DNAJC21: variants seen among roughly 807,000 people sequenced by gnomAD.
The protein encoded by DNAJC21 is DnaJ heat shock protein family (Hsp40) member C21, also known as dnaJ homolog subfamily C member 21.
In DNAJC21, 63 loss-of-function variants were observed where a neutral mutation model predicts 72.4. That is an observed-to-expected ratio of 0.87 (90% CI 0.71 to 1.07). DNAJC21 has a LOEUF of 1.07. Ranked by LOEUF, DNAJC21 falls within the 50% of genes least tolerant of loss-of-function variation. DNAJC21 has a pLI of 0.00. For synonymous variants in DNAJC21, 203 were observed against 216.7 expected (o/e 0.94, Z 0.56); for missense variants, 634 against 644.8 (o/e 0.98, Z 0.18).
Position 34,933,908 on chromosome 5 carries a change from G to T in DNAJC21, c.191G>T (p.Trp64Leu). 1 of 1,613,366 alleles carries T rather than the reference G, an allele frequency of 6.2e-7. No individual in the cohort carries two copies. The highest frequency in any genetic ancestry group is 1.1e-5 in the South Asian group (1 of 90,954). Residue 64 changes from tryptophan (W) to leucine (L), a missense_variant and splice_region_variant, in exon 2 of 12, where the codon TGG becomes TTG. Transcript: ENST00000648817. ...DVLSDPQERA[W>L]YDNHREALLK... is the part of the protein sequence containing the mutation. ...TTGAGTGACCCTCAGGAAAGAGCAT[G>T]GTGAGCATCACGCTGTCCTTCCCAT... is the stretch of plus-strand genomic sequence containing the variant.
At chr5:34,949,556 A>G (rs1209405060) in intron 9 of DNAJC21, 1 of 1,557,582 alleles carries the variant, frequency 6.4e-7, no homozygotes, top group Non-Finnish European at 8.7e-7. Flanking sequence ...GTACCTGGCA[A>G]AGATTCATAT....
rs1764841008 is a variant in DNAJC21, at chr5:34,937,754, T to A, written c.743+124T>A. On this transcript the variant is annotated intron_variant, in intron 5 of 11. Coordinates refer to ENST00000648817, the MANE Select transcript of DNAJC21 (RefSeq NM_001012339.3). ...TGGCTTTATCCTGCTTTTTCTTCTT[T>A]TTTAAATTGTGGCATTGGATAGTGT... is the stretch of plus-strand genomic sequence containing the variant. The A allele has an allele frequency of 5.9e-6, 7 of 1,194,214 alleles. No individual in the cohort carries two copies. In the South Asian group the frequency reaches 1.2e-4, roughly 20 times the overall value. The allele number at this position is 1,194,214 out of a possible 1,614,324, so 74.0% of individuals were successfully genotyped here.
intron 6 of DNAJC21, among the ~76,000 whole-genome samples, chr5:34,940,604 T>TA (rs1184586972): frequency 6.6e-6 from 1 of 152,226 alleles, no homozygotes; most frequent in East Asian, 1.9e-4. Context: ...AAAAGCTTAT[T>TA]AAAAAAAAGT....
In DNAJC21 at chr5:34,958,121, C is replaced by T. The variant is rs1018782810; in HGVS notation, c.*3407C>T. On this transcript the variant is annotated 3_prime_UTR_variant, in exon 12 of 12. Coordinates refer to ENST00000648817, the MANE Select transcript of DNAJC21 (RefSeq NM_001012339.3). ...TGCCTGGACTCCCAACTCAGTAGGC[C>T]TTCTGTTACACCTCAAAATGTGTTA... The T allele has an allele frequency of 1.3e-5, 2 of 152,176 alleles. No individual in the cohort carries two copies. The highest frequency in any genetic ancestry group is 2.9e-5 in the Non-Finnish European group (2 of 68,052). 9.4% of individuals were successfully genotyped at this position (152,176 alleles called of 1,614,324 possible).
At position 34,944,936 on chromosome 5, in the gene DNAJC21, G is replaced by A; in HGVS notation, c.1053G>A (p.Glu351=). The A allele has an allele frequency of 9.3e-6, 15 of 1,613,930 alleles. No homozygotes were observed. The highest frequency in any genetic ancestry group is 1.3e-5 in the Non-Finnish European group (15 of 1,180,002). The change falls in exon 8 of 12, where the codon GAG becomes GAA. Residue 351 remains glutamate (E), a synonymous_variant. Transcript: ENST00000648817. Reference sequence around the variant, plus strand: ...CCTTGCTAAAACAACAGCTGGAGGAGGAAGAAGAAAATTTTTCAAGACCTC... The same window carrying A: ...CCTTGCTAAAACAACAGCTGGAGGAAGAAGAAGAAAATTTTTCAAGACCTC... ...MVALLKQQLE[E]EEENFSRPQI...
chr5:34,953,365 G>T (rs1765438835), intron 10 of DNAJC21, among the ~76,000 whole-genome samples: 1 of 151,806 alleles, frequency 6.6e-6, no homozygotes, highest in African/African-American at 2.4e-5. Context: ...GGGTTCAAGT[G>T]ATTCCCCTGC....
intron 10 of DNAJC21, 80 bp downstream of exon 10, chr5:34,950,422 C>T (rs1332847909): frequency 6.6e-7 from 1 of 1,506,104 alleles, no homozygotes. Context: ...CAAATAAAAT[C>T]TTCTTTCCCA....
chr5:34,953,987 G>T lies in DNAJC21; in HGVS notation c.1420G>T (p.Glu474Ter). The part of the protein sequence containing the change: ...DMKKPVRVPA[E>*]PQTMSVLISC... ...GAAAAAACCTGTCAGAGTACCTGCT[G>T]AACCACAAACAATGGTAGGTCAAAA... The change falls in exon 11 of 12, where the codon GAA becomes TAA. Residue 474 changes from glutamate to a stop codon, truncating the protein, a stop_gained. Coordinates refer to ENST00000648817, the MANE Select transcript of DNAJC21 (RefSeq NM_001012339.3). LOFTEE classifies it high-confidence loss of function. The T allele has an allele frequency of 6.2e-7, 1 of 1,611,728 alleles. No individual in the cohort carries two copies. The highest frequency in any genetic ancestry group is 1.1e-5 in the South Asian group (1 of 90,418).
At chr5:34,948,391 C>T (rs988941126) in intron 9 of DNAJC21, among the ~76,000 whole-genome samples, 1 of 152,152 alleles carries the variant, frequency 6.6e-6, no homozygotes, top group African/African-American at 2.4e-5. Context: ...CCTAGAGCAT[C>T]TTATACTAGA....
intron 2 of DNAJC21, among the ~76,000 whole-genome samples, chr5:34,934,531 A>G (rs1764705917): frequency 6.6e-6 from 1 of 152,064 alleles, no homozygotes; most frequent in African/African-American, 2.4e-5. Flanking sequence ...GTGCTCAACC[A>G]ATACAGTGTT....
intron 1 of DNAJC21, among the ~76,000 whole-genome samples, chr5:34,932,431 A>C (rs565478875): frequency 8.5e-5 from 13 of 152,208 alleles, no homozygotes; most frequent in Admixed American, 3.3e-4. Flanking sequence ...AAAAAAAAAA[A>C]AAAAACGAAC....
chr5:34,955,545 T>A lies in DNAJC21; in HGVS notation c.*831T>A, dbSNP rs1386924373. 12 of 14,944 alleles carry A rather than the reference T, an allele frequency of 8.0e-4. 1 individual carries two copies. The East Asian group carries it at 9.2e-3, about 12-fold the overall frequency. 0.9% of individuals were successfully genotyped at this position (14,944 alleles called of 1,614,324 possible). A position where few individuals can be genotyped will look rare whatever the true frequency, so the allele number is the denominator to read the frequency against. ...TCACTATTTTCAGAAGTTTTTGTTC[T>A]TTTTTTTTTTTCCATCACTCAGTGG... On this transcript the variant is annotated 3_prime_UTR_variant, in exon 12 of 12. Transcript: ENST00000648817.
chr5:34,942,623 C>T (rs1765033459), intron 7 of DNAJC21, among the ~76,000 whole-genome samples: 1 of 152,156 alleles, frequency 6.6e-6, no homozygotes, highest in Non-Finnish European at 1.5e-5. Flanking sequence ...TATAGTGTGT[C>T]TGATTGACCT....
chr5:34,929,790 C>G lies in DNAJC21; in HGVS notation c.-30C>G, dbSNP rs775467948. ...CCCGGGCCCCGACCCCGTCCCGGGC[C>G]CCAGCGCCGGCCGCCCGCCCGGTCG... On this transcript the variant is annotated 5_prime_UTR_variant, in exon 1 of 12. Transcript: ENST00000648817. 3.8e-6 allele frequency: 5 copies of G among 1,302,818 alleles called. No individual in the cohort carries two copies. Among genetic ancestry groups the G allele is most frequent in the Middle Eastern group, 3.0e-4 (1 of 3,320 alleles). 80.7% of individuals were successfully genotyped at this position (1,302,818 alleles called of 1,614,324 possible).
At chr5:34,945,369 C>T (rs891970786) in intron 8 of DNAJC21, among the ~76,000 whole-genome samples, 6 of 152,174 alleles carry the variant, frequency 3.9e-5, no homozygotes, top group Non-Finnish European at 7.3e-5. Context: ...TGAGCCACTG[C>T]GCCCGGCCTT....
At position 34,953,265 on chromosome 5, in the gene DNAJC21, CT is replaced by C. The variant is rs560625681; in HGVS notation, c.1359-651del. Among the ~76,000 whole-genome samples, 131 of 148,014 alleles carry C rather than the reference CT, an allele frequency of 8.9e-4. No homozygotes were observed. In the Middle Eastern group the frequency reaches 0.011, roughly 12 times the overall value. ...TAAATGGAGTATTAAGTGCTTTGTGCTTTTTTTTTTCCCCCTGAAACAGTCT... is the reference window on the plus strand; with the variant it reads ...TAAATGGAGTATTAAGTGCTTTGTGCTTTTTTTTTCCCCCTGAAACAGTCT... On this transcript the variant is annotated intron_variant, in intron 10 of 11. Transcript: ENST00000648817.
chr5:34,939,957 A>C (rs1764934104), intron 6 of DNAJC21, among the ~76,000 whole-genome samples: 1 of 152,244 alleles, frequency 6.6e-6, no homozygotes, highest in East Asian at 1.9e-4. Context: ...TTATTAATGA[A>C]TCAGAAGTAA....
rs745912761 is a variant in DNAJC21 at position 34,937,542 on chromosome 5, G to T, written c.655G>T (p.Ala219Ser). 3.1e-6 allele frequency: 5 copies of T among 1,614,044 alleles called. No homozygotes were observed. The South Asian group carries it at 4.4e-5, about 14-fold the overall frequency. ...FIRKRDKRVQAHRKLVEEQNA... is the reference protein window; with the variant it reads ...FIRKRDKRVQSHRKLVEEQNA... ...TCGTAAAAGAGATAAAAGAGTGCAG[G>T]CGCATCGAAAACTTGTGGAAGAACA... The change falls in exon 5 of 12, where the codon GCG (alanine) becomes TCG (serine). Residue 219 changes from alanine to serine, a missense_variant. By Grantham distance (99) the Ala-to-Ser change is moderately conservative (BLOSUM62 1). Transcript: ENST00000648817.
At chr5:34,950,804 C>G (rs1765339090) in intron 10 of DNAJC21, 1 of 986,848 alleles carries the variant, frequency 1.0e-6, no homozygotes, top group Non-Finnish European at 1.2e-6. Flanking sequence ...GCCCTGGACT[C>G]TTGGTGCTGC....
Sources: allele counts gnomAD v4.1 joint callset (sites outside exome capture counted in the v4.1 genomes callset), GRCh38; gene constraint gnomAD v4.1.1; transcripts MANE v1.5; gene names NCBI Gene and HGNC (gene_info 2026-07-23, HGNC 2026-07-21).